Variants in CSMD3 observed in about 807,000 individuals in gnomAD.
The protein encoded by CSMD3 is CUB and Sushi multiple domains 3, also known as CUB and sushi domain-containing protein 3.
Under a neutral mutation model 435.2 loss-of-function variants are expected in CSMD3, and 177 were observed. That is an observed-to-expected ratio of 0.41 (90% CI 0.36 to 0.46). The LOEUF is 0.46. CSMD3 is among the 20% of genes least tolerant of loss of function. CSMD3 has a pLI of 0.34. For missense variants in CSMD3, 4,265 were observed against 4,504.6 expected, an observed-to-expected ratio of 0.95 and a Z score of 1.52; for synonymous variants, 1,656 against 1,520.5, an observed-to-expected ratio of 1.09 and a Z score of -2.07.
chr8:112,297,009 A>G (rs1820358485), intron 53 of CSMD3, among the ~76,000 whole-genome samples: 1 of 151,776 alleles, frequency 6.6e-6, no homozygotes, highest in African/African-American at 2.4e-5. Flanking sequence ...TTCTGTGAAA[A>G]TTATAACTCG....
At chr8:112,854,753 A>G (rs2080597802) in intron 11 of CSMD3, among the ~76,000 whole-genome samples, 1 of 152,168 alleles carries the variant, frequency 6.6e-6, no homozygotes. Context: ...GAGTTTTCAG[A>G]GTCATTTCTG....
At chr8:112,522,205 A>T (rs1824363622) in intron 27 of CSMD3, among the ~76,000 whole-genome samples, 1 of 151,812 alleles carries the variant, frequency 6.6e-6, no homozygotes, top group African/African-American at 2.4e-5. Flanking sequence ...TAAAATTCTC[A>T]TTACCCCGAA....
chr8:112,767,618 A>G (rs542860658), intron 13 of CSMD3, among the ~76,000 whole-genome samples: 132 of 151,902 alleles, frequency 8.7e-4, no homozygotes, highest in African/African-American at 3.1e-3. Flanking sequence ...CACTAGACTC[A>G]TATTTCATAC....
intron 7 of CSMD3, among the ~76,000 whole-genome samples, chr8:112,957,388 C>T (rs968754921): frequency 1.3e-5 from 2 of 152,166 alleles, no homozygotes; most frequent in East Asian, 3.9e-4. Context: ...TCATGTGTGG[C>T]AATTCCCTCC....
At position 113,207,581 on chromosome 8, in the gene CSMD3, C is replaced by T. The variant is rs1179350431; in HGVS notation, c.515-33665G>A. 2.0e-5 allele frequency among the ~76,000 whole-genome samples: 3 copies of T among 151,862 alleles called. No individual in the cohort carries two copies. The East Asian group carries it at 5.8e-4, about 29-fold the overall frequency. On this transcript the variant is annotated intron_variant, in intron 3 of 70. Coordinates refer to ENST00000297405, the MANE Select transcript of CSMD3 (RefSeq NM_198123.2). ...TATTTTTAGTAGAGATGGGATTTCA[C>T]CATATTGGCCAGGCTGGTCTCAAAC...
chr8:112,614,870 T>C (rs556748467), intron 22 of CSMD3, among the ~76,000 whole-genome samples: 1 of 152,242 alleles, frequency 6.6e-6, no homozygotes, highest in South Asian at 2.1e-4. Context: ...TGGCTGGTAA[T>C]TCAATTTCAG....
At chr8:113,191,516 T>C (rs1174191340) in intron 3 of CSMD3, among the ~76,000 whole-genome samples, 1 of 151,598 alleles carries the variant, frequency 6.6e-6, no homozygotes, top group Non-Finnish European at 1.5e-5. Context: ...GTTCCCATGT[T>C]AATTTGCTTA....
chr8:112,914,190 T>C (rs1001704861), intron 10 of CSMD3, among the ~76,000 whole-genome samples: 1 of 152,050 alleles, frequency 6.6e-6, no homozygotes, highest in African/African-American at 2.4e-5. Flanking sequence ...CTATCATTTC[T>C]GTCTTCTGTC....
intron 32 of CSMD3, among the ~76,000 whole-genome samples, chr8:112,469,591 A>G (rs567289387): frequency 6.6e-5 from 10 of 152,124 alleles, no homozygotes; most frequent in Non-Finnish European, 1.2e-4. Flanking sequence ...GGTTCTGATA[A>G]GGAGCGCACA....
intron 9 of CSMD3, among the ~76,000 whole-genome samples, chr8:112,937,677 C>G (rs964942462): frequency 6.6e-6 from 1 of 151,888 alleles, no homozygotes; most frequent in African/African-American, 2.4e-5. Context: ...AGGTGCCATC[C>G]CAAAGAGGCC....
At chr8:112,730,776 C>G (rs1364386582) in intron 13 of CSMD3, among the ~76,000 whole-genome samples, 4 of 151,930 alleles carry the variant, frequency 2.6e-5, no homozygotes, top group African/African-American at 9.7e-5. Flanking sequence ...GTGATGGGCA[C>G]GAAACACAAG....
At chr8:112,249,342 A>C (rs1563687059) in intron 63 of CSMD3, among the ~76,000 whole-genome samples, 1 of 146,512 alleles carries the variant, frequency 6.8e-6, no homozygotes, top group Non-Finnish European at 1.5e-5. Context: ...CACAATCACC[A>C]AAAGGACTTT....
At chr8:112,384,610 A>C (rs55657628) in intron 36 of CSMD3, among the ~76,000 whole-genome samples, 27,965 of 152,204 alleles carry the variant, frequency 0.18, 3,083 homozygotes, top group Middle Eastern at 0.34. Context: ...TCATTCACTA[A>C]ATAATTACAA....
intron 50 of CSMD3, among the ~76,000 whole-genome samples, chr8:112,308,199 T>C (rs571435513): frequency 6.6e-6 from 1 of 152,234 alleles, no homozygotes; most frequent in African/African-American, 2.4e-5. Context: ...GGTTCCCTGA[T>C]GTCTGATAAA....
chr8:112,704,655 C>G (rs765515990), intron 13 of CSMD3, among the ~76,000 whole-genome samples: 2 of 152,124 alleles, frequency 1.3e-5, no homozygotes, highest in Non-Finnish European at 1.5e-5. Context: ...TCCATCCTCT[C>G]TCTCTCTCTC....
chr8:112,713,485 C>G (rs1409124895), intron 13 of CSMD3, among the ~76,000 whole-genome samples: 1 of 151,290 alleles, frequency 6.6e-6, no homozygotes, highest in East Asian at 2.0e-4. Context: ...AGAATGGAAC[C>G]AAGTTGGAAA....
At chr8:113,288,743 G>A (rs1380799523) in intron 2 of CSMD3, among the ~76,000 whole-genome samples, 1 of 151,620 alleles carries the variant, frequency 6.6e-6, no homozygotes, top group Non-Finnish European at 1.5e-5. Flanking sequence ...CTATAAGCTT[G>A]TATTTTAGAG....
rs144712675 is a variant in CSMD3 at position 112,744,320 on chromosome 8, C to T, written c.1973-54270G>A. The stretch of plus-strand genomic sequence containing the variant: ...ATGCCTTACTCTCAAAACATAATTC[C>T]CATGCCATTTCTGGATGTAACAGTT... On this transcript the variant is annotated intron_variant, in intron 13 of 70. Transcript: ENST00000297405. Among the ~76,000 whole-genome samples, 814 of 152,098 alleles carry T rather than the reference C, an allele frequency of 5.4e-3. 4 individuals carry two copies. The highest frequency in any genetic ancestry group is 0.019 in the African/African-American group (770 of 41,528).
chr8:112,557,002 T>C (rs773116321), intron 24 of CSMD3, 48 bp from the exon 25 acceptor site: 9 of 1,126,512 alleles, frequency 8.0e-6, no homozygotes, highest in Admixed American at 1.7e-5. Flanking sequence ...AGGAGGAGGA[T>C]TTAAATCTAT....
Sources: gnomAD v4.1 joint callset for allele counts (sites outside exome capture counted in the v4.1 genomes callset) on GRCh38, gnomAD v4.1.1 for gene constraint, MANE v1.5 for transcripts, NCBI Gene and HGNC (gene_info 2026-07-23, HGNC 2026-07-21) for gene names.